The following MYO16 variants were observed in gnomAD, a reference collection of about 807,000 sequenced individuals.
The protein encoded by MYO16 is unconventional myosin-XVI.
Under a neutral mutation model 205.3 loss-of-function variants are expected in MYO16, and 94 were observed. That is an observed-to-expected ratio of 0.46 (90% confidence interval 0.39 to 0.54). The LOEUF is 0.54. Among genes scored for constraint, MYO16 ranks in the 20% least tolerant of loss-of-function variants. MYO16 has a pLI of 0.00. For synonymous variants in MYO16, 988 were observed against 954.0 expected, an observed-to-expected ratio of 1.04 and a Z score of -0.66; for missense variants, 2,315 against 2,387.5, an observed-to-expected ratio of 0.97 and a Z score of 0.63.
At chr13:108,977,465 T>G (rs957845701) in intron 20 of MYO16, among the ~76,000 whole-genome samples, 1 of 152,218 alleles carries the variant, frequency 6.6e-6, no homozygotes, top group Non-Finnish European at 1.5e-5. Flanking sequence ...GCAAGACAAG[T>G]TGTGCCCTGC....
intron 10 of MYO16, among the ~76,000 whole-genome samples, chr13:108,849,177 TTTTTTGTTTTTG>T (rs553138076): frequency 1.1e-5 from 1 of 93,794 alleles, no homozygotes; most frequent in South Asian, 4.1e-4. Context: ...TTTTTTCTGT[TTTTTTGTTTTTG>T]TTTTTGTTTT....
intron 34 of MYO16, among the ~76,000 whole-genome samples, chr13:109,206,293 T>G (rs1162139765): frequency 6.6e-6 from 1 of 152,152 alleles, no homozygotes; most frequent in Non-Finnish European, 1.5e-5. Flanking sequence ...CAAGATGCCA[T>G]AAGAATGTAC....
At chr13:108,551,854 A>G in the MYO16 span, among the ~76,000 whole-genome samples, 3 of 152,204 alleles carry the variant, frequency 2.0e-5, no homozygotes, top group Admixed American at 1.3e-4. Flanking sequence ...AGGCAATGGT[A>G]GCTTCCAAAT....
intron 4 of MYO16, among the ~76,000 whole-genome samples, chr13:108,739,826 TG>T (rs1884838082): frequency 6.6e-6 from 1 of 152,230 alleles, no homozygotes; most frequent in Admixed American, 6.5e-5. Flanking sequence ...TTGGAGGCTT[TG>T]TTCATTTCTT....
intron 21 of MYO16, among the ~76,000 whole-genome samples, chr13:109,002,733 A>G (rs939009478): frequency 1.3e-5 from 2 of 152,192 alleles, no homozygotes; most frequent in Non-Finnish European, 2.9e-5. Context: ...TTCTAGGTAT[A>G]CGAACTAATT....
chr13:109,022,378 T>A (rs1241169361), intron 23 of MYO16, among the ~76,000 whole-genome samples: 1 of 82,916 alleles, frequency 1.2e-5, no homozygotes, highest in Non-Finnish European at 2.2e-5. Flanking sequence ...ATGTATTATA[T>A]ATACAAATAT....
chr13:108,559,169 C>G, the MYO16 span, among the ~76,000 whole-genome samples: 15 of 152,078 alleles, frequency 9.9e-5, no homozygotes, highest in Admixed American at 8.5e-4. Flanking sequence ...CCCATATGAC[C>G]ATTGTCCCTA....
At chr13:109,088,005 A>C (rs938761790) in intron 27 of MYO16, among the ~76,000 whole-genome samples, 10 of 152,200 alleles carry the variant, frequency 6.6e-5, no homozygotes, top group Non-Finnish European at 1.2e-4. Flanking sequence ...AAAATGCATG[A>C]AGGATAAAGA....
chr13:109,205,163 C>T (rs935862180), intron 34 of MYO16, among the ~76,000 whole-genome samples: 1 of 152,200 alleles, frequency 6.6e-6, no homozygotes, highest in South Asian at 2.1e-4. Flanking sequence ...TACCCTTAAG[C>T]TCTTCTTTCC....
At chr13:108,515,816 G>A in the MYO16 span, among the ~76,000 whole-genome samples, 1 of 9,702 alleles carries the variant, frequency 1.0e-4, no homozygotes. Flanking sequence ...ACCCACTTGA[G>A]GAGGCAGTCT....
At chr13:109,168,021 C>A (rs1025099083) in intron 33 of MYO16, among the ~76,000 whole-genome samples, 4 of 151,900 alleles carry the variant, frequency 2.6e-5, no homozygotes, top group African/African-American at 9.7e-5. Flanking sequence ...CACTGATAAA[C>A]CTACCTTGCC....
chr13:108,680,193 G>A (rs9587655), intron 2 of MYO16, among the ~76,000 whole-genome samples: 22,743 of 152,160 alleles, frequency 0.15, 1,968 homozygotes, highest in Non-Finnish European at 0.2. Context: ...AACTCACAGC[G>A]GGCTCCATGA....
chr13:108,498,470 G>A, the MYO16 span, among the ~76,000 whole-genome samples: 3 of 152,184 alleles, frequency 2.0e-5, no homozygotes, highest in Middle Eastern at 3.4e-3. Flanking sequence ...TACCACAGAC[G>A]TAATGCCTCT....
rs769091086 is a variant in MYO16, at chr13:108,888,496, T to G, written c.1659+19T>G. ...CAAACATGTAAGTTTTTTGTTTGGG[T>G]TGGCAAATATGTGAATGAAGATGTT... is the stretch of plus-strand genomic sequence containing the variant. On this transcript the variant is annotated intron_variant, in intron 14 of 34. Transcript: ENST00000457511. 6.3e-5 allele frequency: 97 copies of G among 1,548,684 alleles called. No homozygotes were observed. Among genetic ancestry groups the G allele is most frequent in the Non-Finnish European group, 7.7e-5 (87 of 1,132,176 alleles).
intron 9 of MYO16, among the ~76,000 whole-genome samples, chr13:108,827,901 C>T (rs1237966280): frequency 1.3e-5 from 2 of 152,148 alleles, no homozygotes; most frequent in Non-Finnish European, 2.9e-5. Flanking sequence ...CAACTTGCAT[C>T]TCTAATATTC....
Position 108,657,023 on chromosome 13 carries a change from C to G in MYO16, c.29-8863C>G, listed in dbSNP as rs74871962. The stretch of plus-strand genomic sequence containing the variant: ...AGAGGCTCACCTAAGAAGGCACATA[C>G]GCCTGCTGCAGCTGAAGCTTCCAGG... On this transcript the variant is annotated intron_variant, in intron 1 of 34. Coordinates refer to ENST00000457511, the MANE Select transcript of MYO16 (RefSeq NM_001198950.3). 5.6e-3 allele frequency among the ~76,000 whole-genome samples: 854 copies of G among 152,322 alleles called. 9 individuals are homozygous for G. Among genetic ancestry groups the G allele is most frequent in the African/African-American group, 0.019 (791 of 41,576 alleles).
the MYO16 span, among the ~76,000 whole-genome samples, chr13:108,509,170 ATATAAG>A: frequency 1.3e-5 from 2 of 152,220 alleles, no homozygotes; most frequent in Non-Finnish European, 2.9e-5. Context: ...TCAGGGAGTA[ATATAAG>A]TAGAGGACTG....
At chr13:108,727,116 A>G (rs1284497500) in intron 3 of MYO16, among the ~76,000 whole-genome samples, 2 of 151,792 alleles carry the variant, frequency 1.3e-5, no homozygotes, top group African/African-American at 4.8e-5. Flanking sequence ...AAAGATAATT[A>G]TTGTGAATGG....
intron 15 of MYO16, among the ~76,000 whole-genome samples, chr13:108,904,985 C>T (rs1880893838): frequency 6.6e-6 from 1 of 152,204 alleles, no homozygotes; most frequent in African/African-American, 2.4e-5. Flanking sequence ...TGTCTTCATT[C>T]TTATCAAATA....
Sources: gnomAD v4.1 joint callset for allele counts (sites outside exome capture counted in the v4.1 genomes callset) on GRCh38, gnomAD v4.1.1 for gene constraint, MANE v1.5 for transcripts, NCBI Gene and HGNC (gene_info 2026-07-23, HGNC 2026-07-21) for gene names.